BACH2: variants seen among roughly 807,000 people sequenced by gnomAD.
The protein encoded by BACH2 is BACH transcriptional regulator 2.
A neutral mutation model predicts 61.8 loss-of-function variants in BACH2; 5 were observed. The observed-to-expected ratio is 0.08, with a 90% CI of 0.04 to 0.17. BACH2 has a LOEUF of 0.17. Ranked by LOEUF, BACH2 falls within the 10% of genes least tolerant of loss-of-function variation. The pLI is 1.00. For synonymous variants in BACH2, 446 were observed against 440.1 expected (o/e 1.01, Z -0.17); for missense variants, 824 against 1,091.1 (o/e 0.76, Z 3.45).
At chr6:90,072,048 C>A (rs532555448) in intron 5 of BACH2, among the ~76,000 whole-genome samples, 1 of 152,134 alleles carries the variant, frequency 6.6e-6, no homozygotes, top group South Asian at 2.1e-4. Flanking sequence ...CAGGTACACT[C>A]AGTGTAACTT....
chr6:90,043,722 T>G (rs557343134), intron 5 of BACH2, among the ~76,000 whole-genome samples: 2 of 152,322 alleles, frequency 1.3e-5, no homozygotes, highest in South Asian at 4.1e-4. Flanking sequence ...TCCTGCCTAC[T>G]CTTCTCTGTC....
intron 6 of BACH2, among the ~76,000 whole-genome samples, chr6:89,988,834 C>T (rs749116488): frequency 5.3e-5 from 8 of 152,240 alleles, no homozygotes; most frequent in Non-Finnish European, 1.2e-4. Flanking sequence ...GACTGCCTAA[C>T]TCCTGGAGGT....
chr6:90,296,407 C>T (rs1162716100), intron 1 of BACH2, 73 bp downstream of exon 1: 1 of 150,636 alleles, frequency 6.6e-6, no homozygotes, highest in African/African-American at 2.4e-5. Context: ...GCCCCGCGCG[C>T]CCGCTCCCCC....
chr6:90,285,520 T>C (rs566918671), intron 1 of BACH2, among the ~76,000 whole-genome samples: 132 of 152,298 alleles, frequency 8.7e-4, no homozygotes, highest in African/African-American at 3.1e-3. Context: ...TCCCCTTAAA[T>C]ATTCCCAGAA....
chr6:90,127,788 G>C (rs1207394922), intron 4 of BACH2, among the ~76,000 whole-genome samples: 2 of 152,190 alleles, frequency 1.3e-5, no homozygotes, highest in African/African-American at 4.8e-5. Context: ...TCTTGCGTTT[G>C]AACAGTTCCT....
intron 1 of BACH2, among the ~76,000 whole-genome samples, chr6:90,273,917 C>T (rs1201066568): frequency 6.6e-6 from 1 of 152,128 alleles, no homozygotes; most frequent in Non-Finnish European, 1.5e-5. Flanking sequence ...ATAAGGTTTC[C>T]TCAAAGACTG....
rs887047576 is a variant in BACH2 at position 90,212,247 on chromosome 6, T to C, written c.-274-5566A>G. Among the ~76,000 whole-genome samples, 6 of 152,148 alleles carry C rather than the reference T, an allele frequency of 3.9e-5. No individual in the cohort carries two copies. The East Asian group carries it at 7.7e-4, about 20-fold the overall frequency. ...GAAAGCTAATCCCTCCCTTCTACCA[T>C]AGGGGGCATGGTGCTGGGATTGAAG... On this transcript the variant is annotated intron_variant, in intron 3 of 8. Transcript: ENST00000257749.
rs1384891483 is a variant in BACH2, at chr6:90,008,896, G to C, written c.-12-40C>G. On this transcript the variant is annotated intron_variant, in intron 5 of 8. Transcript: ENST00000257749. The surrounding 1 kb of genome is among the most constrained non-coding windows in gnomAD (Gnocchi z 4.1). ...GAAACAAAGAAAGAAAGAAAGAAAG[G>C]CTGAGTCACCACAGCTGTAGGATCA... The C allele has an allele frequency of 6.3e-7, 1 of 1,597,088 alleles. No individual in the cohort carries two copies. The highest frequency in any genetic ancestry group is 8.5e-7 in the Non-Finnish European group (1 of 1,169,916).
chr6:90,173,482 C>T (rs754161256), intron 4 of BACH2, among the ~76,000 whole-genome samples: 8 of 151,982 alleles, frequency 5.3e-5, no homozygotes, highest in Non-Finnish European at 7.4e-5. Flanking sequence ...TGAAATTATA[C>T]TGAAAAAATA....
intron 6 of BACH2, among the ~76,000 whole-genome samples, chr6:89,988,357 C>G (rs1311146838): frequency 2.0e-5 from 3 of 152,178 alleles, no homozygotes; most frequent in African/African-American, 7.2e-5. Context: ...GTCAGTCACA[C>G]AGACCCACAG....
intron 4 of BACH2, among the ~76,000 whole-genome samples, chr6:90,089,997 C>T (rs2127807833): frequency 6.6e-6 from 1 of 152,216 alleles, no homozygotes; most frequent in Middle Eastern, 3.4e-3. Flanking sequence ...AACAAAACCC[C>T]TTTTGATTTC....
intron 3 of BACH2, among the ~76,000 whole-genome samples, chr6:90,227,901 C>T (rs1407044740): frequency 6.6e-6 from 1 of 152,186 alleles, no homozygotes; most frequent in Non-Finnish European, 1.5e-5. Flanking sequence ...TTAACTGCTA[C>T]ACCCAGTTTA....
chr6:89,957,713 G>T (rs1374369182), intron 6 of BACH2, among the ~76,000 whole-genome samples: 1 of 151,870 alleles, frequency 6.6e-6, no homozygotes, highest in Non-Finnish European at 1.5e-5. Context: ...GCTAATTTTT[G>T]TATTTTTAGT....
intron 4 of BACH2, among the ~76,000 whole-genome samples, chr6:90,094,259 A>T (rs987212011): frequency 5.9e-5 from 9 of 152,212 alleles, no homozygotes; most frequent in African/African-American, 2.2e-4. Flanking sequence ...TTTTTGTATA[A>T]GTAAGGCTGA....
chr6:90,172,833 G>C (rs1767862181), intron 4 of BACH2, among the ~76,000 whole-genome samples: 1 of 152,030 alleles, frequency 6.6e-6, no homozygotes, highest in South Asian at 2.1e-4. Context: ...TGTTTAAATA[G>C]AGTATAAAAA....
intron 4 of BACH2, among the ~76,000 whole-genome samples, chr6:90,089,774 A>G (rs950749079): frequency 6.6e-6 from 1 of 152,144 alleles, no homozygotes; most frequent in Non-Finnish European, 1.5e-5. Flanking sequence ...ATATTTCAGA[A>G]TTCAGAATTT....
intron 3 of BACH2, among the ~76,000 whole-genome samples, chr6:90,231,962 A>G (rs1031148947): frequency 6.6e-6 from 1 of 152,180 alleles, no homozygotes; most frequent in Non-Finnish European, 1.5e-5. Context: ...TAGACATGAT[A>G]TATTTGGTCT....
chr6:90,195,525 C>A (rs1242364125), intron 4 of BACH2, among the ~76,000 whole-genome samples: 1 of 151,082 alleles, frequency 6.6e-6, no homozygotes, highest in African/African-American at 2.4e-5. Context: ...TCAAAGCCAG[C>A]GGCTCTAATA....
intron 5 of BACH2, among the ~76,000 whole-genome samples, chr6:90,055,450 C>A (rs1256151657): frequency 1.3e-5 from 2 of 152,180 alleles, no homozygotes; most frequent in East Asian, 3.9e-4. Flanking sequence ...ACGAACAAAG[C>A]CTTCAAGAAA....
Sources: allele counts gnomAD v4.1 joint callset (sites outside exome capture counted in the v4.1 genomes callset), GRCh38; gene constraint gnomAD v4.1.1; non-coding constraint Gnocchi (gnomAD v3.1); transcripts MANE v1.5; gene names NCBI Gene and HGNC (gene_info 2026-07-23, HGNC 2026-07-21).